TNXB: variants seen among roughly 807,000 people sequenced by gnomAD.
TNXB encodes tenascin-X.
In TNXB, 183 loss-of-function variants were observed where a neutral mutation model predicts 340.5. That is an observed-to-expected ratio of 0.54 (90% CI 0.48 to 0.61). TNXB has a LOEUF of 0.61. Among genes scored for constraint, TNXB ranks in the 20% least tolerant of loss-of-function variants. The probability of loss-of-function intolerance (pLI) is 0.00; values close to 1 mark genes in which losing one functional copy is unlikely to be tolerated. For missense variants in TNXB, 4,613 were observed against 5,446.4 expected (o/e 0.85, Z 4.82); for synonymous variants, 2,121 against 2,314.5 (o/e 0.92, Z 2.40).
chr6:32,081,421 T>G lies in TNXB; in HGVS notation c.3989A>C (p.Tyr1330Ser), dbSNP rs371069668. 4.5e-6 allele frequency: 7 copies of G among 1,558,478 alleles called. No homozygotes were observed. The highest frequency in any genetic ancestry group is 6.1e-6 in the Non-Finnish European group (7 of 1,151,556). Residue 1330 changes from tyrosine (Y) to serine (S), a missense_variant, in exon 10 of 44, where the codon TAC becomes TCC. Tyr to Ser is a moderately radical substitution (Grantham distance 144). Around this residue, in one of 7 missense-constraint regions of TNXB, gnomAD observed 4,327 missense variants for 4,859.4 expected, o/e 0.89. Coordinates refer to ENST00000644971, the MANE Select transcript of TNXB (RefSeq NM_001365276.2). This position sits in a 1 kb window ranked among gnomAD's most constrained non-coding sequence, Gnocchi z 5.1. ...CACACGCTGCCTGCCACGAAGCCCG[T>G]AGAGGTTCATCTTATACTTCCGGTC... is the stretch of plus-strand genomic sequence containing the variant. ...DPDRKYKMNL[Y>S]GLRGRQRVGP...
chr6:32,053,782 A>G (rs1777456493), intron 24 of TNXB, 71 bp from the exon 25 acceptor site: 3 of 1,539,472 alleles, frequency 1.9e-6, no homozygotes, highest in Non-Finnish European at 2.7e-6. Context: ...TGTGTCACAA[A>G]ACACAAAGTG....
chr6:32,079,112 G>A lies in TNXB; in HGVS notation c.4296C>T (p.Pro1432=), dbSNP rs779936622. The A allele has an allele frequency of 9.3e-6, 15 of 1,613,644 alleles. No individual in the cohort carries two copies. The highest frequency in any genetic ancestry group is 8.0e-5 in the African/African-American group (6 of 74,920). Residue 1432 remains proline (P), a synonymous_variant, in exon 11 of 44, where the codon CCC becomes CCT. Transcript: ENST00000644971. This position sits in a 1 kb window ranked among gnomAD's most constrained non-coding sequence, Gnocchi z 7.1. Reference sequence around the variant, plus strand: ...ACAGGTGCATCTTGTACTTGTGCCCGGGCTCTAGGCCTCCCACGGTGACCT... The same window carrying A: ...ACAGGTGCATCTTGTACTTGTGCCCAGGCTCTAGGCCTCCCACGGTGACCT... ...ESEVTVGGLE[P]GHKYKMHLYG...
chr6:32,056,064 G>A lies in TNXB; in HGVS notation c.8254C>T (p.Leu2752=). The stretch of plus-strand genomic sequence containing the variant: ...TGGGGGATGGTCCAGGAGAGGCTCA[G>A]CGAGTCAGGGGAGGATCCTGTCACT... ...LTVTGSSPDS[L]SLSWTIPQGH... is the part of the protein sequence containing the mutation. Residue 2752 remains leucine (L), a synonymous_variant, in exon 24 of 44, where the codon CTG becomes TTG. Transcript: ENST00000644971. The A allele has an allele frequency of 1.9e-6, 3 of 1,612,902 alleles. No individual in the cohort carries two copies. Among genetic ancestry groups the A allele is most frequent in the Non-Finnish European group, 2.5e-6 (3 of 1,179,882 alleles).
Position 32,047,766 on chromosome 6 carries a change from C to A in TNXB, c.10292G>T (p.Arg3431Leu). ...GCTGTCAGCAGAGATGGGGCCCAGTCGTTTCCTGCCTGACAGACCATAGAG... is the reference window on the plus strand; with the variant it reads ...GCTGTCAGCAGAGATGGGGCCCAGTAGTTTCCTGCCTGACAGACCATAGAG... Reference protein sequence around the residue: ...FLLYGLSGRKRLGPISADSTT... With the variant: ...FLLYGLSGRKLLGPISADSTT... Residue 3431 changes from arginine to leucine, a missense_variant, in exon 30 of 44, where the codon CGA becomes CTA. By Grantham distance (102) the Arg-to-Leu change is moderately radical (BLOSUM62 -2). This residue lies in a region of TNXB where 4,327 missense variants were observed against 4,859.4 expected (regional missense o/e 0.89). Transcript: ENST00000644971. The surrounding 1 kb of genome is among the most constrained non-coding windows in gnomAD (Gnocchi z 6.2). The A allele has an allele frequency of 6.2e-7, 1 of 1,605,562 alleles. No homozygotes were observed. The highest frequency in any genetic ancestry group is 1.1e-5 in the South Asian group (1 of 89,918).
At chr6:32,092,273 C>G (rs1780108651) in intron 4 of TNXB, among the ~76,000 whole-genome samples, 2 of 152,176 alleles carry the variant, frequency 1.3e-5, no homozygotes, top group African/African-American at 4.8e-5. Flanking sequence ...GCTGCAGGTC[C>G]AGGGAACACA....
At position 32,067,806 on chromosome 6, in the gene TNXB, G is replaced by A. The variant is rs1256320082; in HGVS notation, c.6399C>T (p.Asp2133=). 6.2e-6 allele frequency: 10 copies of A among 1,613,372 alleles called. No individual in the cohort carries two copies. The highest frequency in any genetic ancestry group is 4.5e-5 in the East Asian group (2 of 44,874). ...CAACACGCACCACCTGGGGCCGCCC[G>A]TCCCTGTCCTTGTACTGCACGGTGA... The part of the protein sequence containing the change: ...DSFTVQYKDR[D]GRPQVVRVGG... Residue 2133 remains aspartate (D), a synonymous_variant, in exon 18 of 44, where the codon GAC becomes GAT. Coordinates refer to ENST00000644971, the MANE Select transcript of TNXB (RefSeq NM_001365276.2). The surrounding 1 kb of genome is among the most constrained non-coding windows in gnomAD (Gnocchi z 4.2).
At position 32,083,098 on chromosome 6, in the gene TNXB, CCTT is replaced by C. The variant is rs201856571; in HGVS notation, c.3446-775_3446-773del. 3.1e-3 allele frequency among the ~76,000 whole-genome samples: 479 copies of C among 152,264 alleles called. No homozygotes were observed. The highest frequency in any genetic ancestry group is 6.8e-3 in the African/African-American group (282 of 41,540). On this transcript the variant is annotated intron_variant, in intron 8 of 43. Coordinates refer to ENST00000644971, the MANE Select transcript of TNXB (RefSeq NM_001365276.2). The surrounding 1 kb of genome is among the most constrained non-coding windows in gnomAD (Gnocchi z 4.6). ...CAGCTCTCATGCAGGCCAGGGGTGG[CCTT>C]GCCATTGCTAAATTCTGTGGACGCT...
At chr6:32,043,392 C>T in intron 36 of TNXB, 45 bp downstream of exon 36, 1 of 463,224 alleles carries the variant, frequency 2.2e-6, no homozygotes, top group Non-Finnish European at 3.7e-6. Context: ...CCCCTGCAAT[C>T]CCCACCCTGA....
rs549278424 is a variant in TNXB, at chr6:32,086,069, T to C, written c.2829A>G (p.Ser943=). 7.8e-5 allele frequency: 123 copies of C among 1,584,476 alleles called. 1 individual carries two copies. In the East Asian group the frequency reaches 2.6e-3, roughly 34 times the overall value. Residue 943 remains serine, a synonymous_variant, in exon 7 of 44, where the codon TCA becomes TCG. Transcript: ENST00000644971. The stretch of plus-strand genomic sequence containing the variant: ...GGGCCCCTTGCGTCGTCGAGGGGCC[T>C]GAGGGAGGAGGCTCATCGGTAGTCC... ...LLGTTDEPPP[S]GPSTTQGAQA... is the part of the protein sequence containing the mutation.
In TNXB at chr6:32,048,595, C is replaced by T. The variant is rs369956569; in HGVS notation, c.9813G>A (p.Ala3271=). ...GGCCCACTGAGTCCGAGGTCACGGC[C>T]GCCACCGCCAGCTCCCCCAGGCGGG... ...VEPRLGELAV[A]AVTSDSVGLS... is the part of the protein sequence containing the mutation. Residue 3271 remains alanine (A), a synonymous_variant, in exon 29 of 44, where the codon GCG becomes GCA. Transcript: ENST00000644971. 11 of 1,512,782 alleles carry T rather than the reference C, an allele frequency of 7.3e-6. No homozygotes were observed. Among genetic ancestry groups the T allele is most frequent in the South Asian group, 3.9e-5 (3 of 76,020 alleles). 93.7% of individuals were successfully genotyped at this position (1,512,782 alleles called of 1,614,324 possible).
In TNXB at chr6:32,048,579, A is replaced by G; in HGVS notation, c.9829T>C (p.Ser3277Pro). The stretch of plus-strand genomic sequence containing the variant: ...GCCACCGTCCATGAGAGGCCCACTG[A>G]GTCCGAGGTCACGGCCGCCACCGCC... ...ELAVAAVTSDSVGLSWTVAQG... is the reference protein window; with the variant it reads ...ELAVAAVTSDPVGLSWTVAQG... The change falls in exon 29 of 44, where the codon TCA becomes CCA. Residue 3277 changes from serine (S) to proline (P), a missense_variant. Transcript: ENST00000644971. 1 of 1,546,886 alleles carries G rather than the reference A, an allele frequency of 6.5e-7. No homozygotes were observed. Among genetic ancestry groups the G allele is most frequent in the Non-Finnish European group, 8.8e-7 (1 of 1,142,822 alleles).
intron 21 of TNXB, among the ~76,000 whole-genome samples, chr6:32,059,675 CCT>C (rs756035774): frequency 7.2e-5 from 11 of 151,978 alleles, no homozygotes; most frequent in South Asian, 4.1e-4. Flanking sequence ...CCCTATTCCC[CCT>C]GTTTCCCAAC....
At chr6:32,103,775 G>C (rs1780842646) in intron 1 of TNXB, among the ~76,000 whole-genome samples, 2 of 143,170 alleles carry the variant, frequency 1.4e-5, no homozygotes, top group South Asian at 4.5e-4. Context: ...CTGTCGCCCA[G>C]GCTGGAGTGC....
chr6:32,049,980 C>T lies in TNXB; in HGVS notation c.9439+18G>A. ...CCCTCCCACAGCTCCCACCCTGGGG[C>T]TCCCATCATTCACTCACCCGTCACC... On this transcript the variant is annotated intron_variant, in intron 27 of 43. Coordinates refer to ENST00000644971, the MANE Select transcript of TNXB (RefSeq NM_001365276.2). The surrounding 1 kb of genome is among the most constrained non-coding windows in gnomAD (Gnocchi z 4.5). The T allele has an allele frequency of 6.2e-7, 1 of 1,612,484 alleles. No homozygotes were observed. Among genetic ancestry groups the T allele is most frequent in the Non-Finnish European group, 8.5e-7 (1 of 1,178,718 alleles).
chr6:32,065,958 G>A (rs183235884), intron 18 of TNXB, among the ~76,000 whole-genome samples: 107 of 152,200 alleles, frequency 7.0e-4, no homozygotes, highest in African/African-American at 2.4e-3. Flanking sequence ...CCATATTGTG[G>A]ATTTTTTAAA....
chr6:32,049,496 G>A lies in TNXB; in HGVS notation c.9531C>T (p.Ser3177=), dbSNP rs1487398095. 3.7e-6 allele frequency: 6 copies of A among 1,612,592 alleles called. No individual in the cohort carries two copies. The East Asian group carries it at 1.3e-4, about 36-fold the overall frequency. The change falls in exon 28 of 44, where the codon TCC becomes TCT. Residue 3177 remains serine, a synonymous_variant. Transcript: ENST00000644971. This position sits in a 1 kb window ranked among gnomAD's most constrained non-coding sequence, Gnocchi z 4.5. ...PLLGELTVTG[S]SPDSLSLSWT... The stretch of plus-strand genomic sequence containing the variant: ...AGGAGAGGCTCAGCGAGTCAGGGGA[G>A]GATCCTGTCACTGTCAACTCCCCCA...
intron 13 of TNXB, among the ~76,000 whole-genome samples, chr6:32,071,576 TTC>T (rs1489315415): frequency 2.8e-5 from 3 of 106,942 alleles, no homozygotes; most frequent in Non-Finnish European, 6.1e-5. Context: ...CGGCTTTTCT[TTC>T]TTTTTTTTTT....
At position 32,067,703 on chromosome 6, in the gene TNXB, C is replaced by T. The variant is rs1393457283; in HGVS notation, c.6502G>A (p.Glu2168Lys). 20 of 1,613,736 alleles carry T rather than the reference C, an allele frequency of 1.2e-5. No homozygotes were observed. The highest frequency in any genetic ancestry group is 4.0e-5 in the African/African-American group (3 of 74,916). ...GACACTGGGCCCACGCGCCGCCCCT[C>T]GTGGAGGCCGTACAGGTGCATCTTG... is the stretch of plus-strand genomic sequence containing the variant. Reference protein sequence around the residue: ...KYKMHLYGLHEGRRVGPVSAV... With the variant: ...KYKMHLYGLHKGRRVGPVSAV... The change falls in exon 18 of 44, where the codon GAG becomes AAG. Residue 2168 changes from glutamate (E) to lysine (K), a missense_variant. By Grantham distance (56) the Glu-to-Lys change is moderately conservative. Transcript: ENST00000644971. The surrounding 1 kb of genome is among the most constrained non-coding windows in gnomAD (Gnocchi z 4.2).
intron 21 of TNXB, among the ~76,000 whole-genome samples, chr6:32,059,246 C>G (rs1003524783): frequency 6.6e-6 from 1 of 151,014 alleles, no homozygotes; most frequent in Non-Finnish European, 1.5e-5. Context: ...TCATGAAACC[C>G]GGTCTCTACT....
Sources: allele counts gnomAD v4.1 joint callset (sites outside exome capture counted in the v4.1 genomes callset), GRCh38; gene constraint gnomAD v4.1.1; regional missense constraint gnomAD v4.1.1; non-coding constraint Gnocchi (gnomAD v3.1); transcripts MANE v1.5; gene names NCBI Gene and HGNC (gene_info 2026-07-23, HGNC 2026-07-21).